Variants in PCSK6 observed in about 807,000 individuals in gnomAD.
PCSK6 encodes proprotein convertase subtilisin/kexin type 6.
In PCSK6, 85 loss-of-function variants were observed where a neutral mutation model predicts 123.3. That is an observed-to-expected ratio of 0.69 (90% CI 0.58 to 0.83). The LOEUF (loss-of-function observed/expected upper bound fraction) is 0.83, where lower values mean the gene tolerates loss of function less well. Ranked by LOEUF, PCSK6 falls within the 40% of genes least tolerant of loss-of-function variation. The pLI, the probability that PCSK6 is intolerant of heterozygous loss-of-function variation, is 0.00. For missense variants in PCSK6, 1,191 were observed against 1,282.3 expected (o/e 0.93, Z 1.09); for synonymous variants, 508 against 516.0 (o/e 0.98, Z 0.21).
At chr15:101,371,403 T>C (rs1220309940) in intron 11 of PCSK6, among the ~76,000 whole-genome samples, 3 of 152,150 alleles carry the variant, frequency 2.0e-5, no homozygotes, top group African/African-American at 7.2e-5. Flanking sequence ...AATATGTGCA[T>C]GTAAGAAACC....
At position 101,324,974 on chromosome 15, in the gene PCSK6, C is replaced by T; in HGVS notation, c.2253G>A (p.Lys751=). 6.2e-7 allele frequency: 1 copy of T among 1,613,196 alleles called. No individual in the cohort carries two copies. The highest frequency in any genetic ancestry group is 8.5e-7 in the Non-Finnish European group (1 of 1,179,886). Residue 751 remains lysine, a synonymous_variant, in exon 17 of 22, where the codon AAG becomes AAA. Transcript: ENST00000611716. ...TAARRCRRCH[K]GCETCSSRAA... ...CTCTGCTGGAGCAGGTCTCACACCC[C>T]TTGTGGCACCGGCGACAGCGTCTTG...
At chr15:101,340,264 C>G (rs556238977) in intron 13 of PCSK6, among the ~76,000 whole-genome samples, 1 of 152,200 alleles carries the variant, frequency 6.6e-6, no homozygotes, top group South Asian at 2.1e-4. Context: ...CAGACCCAGG[C>G]TAAGAAAGGG....
intron 15 of PCSK6, among the ~76,000 whole-genome samples, chr15:101,328,376 C>T (rs962608053): frequency 1.4e-4 from 22 of 152,158 alleles, no homozygotes; most frequent in African/African-American, 4.3e-4. Context: ...GGGAGACGGG[C>T]GGGCAGGGCT....
chr15:101,394,419 C>T (rs2042340544), intron 7 of PCSK6, among the ~76,000 whole-genome samples: 1 of 152,158 alleles, frequency 6.6e-6, no homozygotes, highest in Non-Finnish European at 1.5e-5. Flanking sequence ...ATCATTCCAG[C>T]CACAAGTACC....
chr15:101,327,540 G>A (rs2040283739), intron 15 of PCSK6, among the ~76,000 whole-genome samples: 1 of 152,206 alleles, frequency 6.6e-6, no homozygotes, highest in South Asian at 2.1e-4. Context: ...AGGCTTTTGA[G>A]TTACTGGAAG....
intron 6 of PCSK6, among the ~76,000 whole-genome samples, chr15:101,408,359 C>T (rs1033972939): frequency 6.6e-6 from 1 of 152,218 alleles, no homozygotes; most frequent in South Asian, 2.1e-4. Flanking sequence ...AGGAAGAAAG[C>T]CCCTCAGCAG....
chr15:101,440,658 G>A (rs962032593), intron 2 of PCSK6, among the ~76,000 whole-genome samples: 1 of 152,170 alleles, frequency 6.6e-6, no homozygotes, highest in South Asian at 2.1e-4. Context: ...CGAAGTCTCT[G>A]AATAATATTA....
intron 2 of PCSK6, among the ~76,000 whole-genome samples, chr15:101,440,289 C>T (rs547102393): frequency 3.2e-4 from 48 of 152,236 alleles, no homozygotes; most frequent in Admixed American, 1.2e-3. Flanking sequence ...TTTTCAAAGA[C>T]GGTAAGAAAA....
At chr15:101,367,951 A>C (rs2041450608) in intron 12 of PCSK6, among the ~76,000 whole-genome samples, 1 of 152,158 alleles carries the variant, frequency 6.6e-6, no homozygotes, top group Non-Finnish European at 1.5e-5. Flanking sequence ...CAGCCTCCCA[A>C]GTAGCTGGGA....
Position 101,342,129 on chromosome 15 carries a change from CAAAAAAAAAAAA to C in PCSK6, c.1859-10110_1859-10099del, listed in dbSNP as rs35083182. On this transcript the variant is annotated intron_variant, in intron 13 of 21. Transcript: ENST00000611716. The stretch of plus-strand genomic sequence containing the variant: ...TGGGAAACAGAGTAAGACCCTGTCT[CAAAAAAAAAAAA>C]AAAAAAAAAAAAGAAGATTGCTTAA... Among the ~76,000 whole-genome samples, 6 of 51,512 alleles carry C rather than the reference CAAAAAAAAAAAA, an allele frequency of 1.2e-4. 1 individual carries two copies. The highest frequency in any genetic ancestry group is 3.1e-4 in the African/African-American group (4 of 13,076). 33.8% of individuals were successfully genotyped at this position (51,512 alleles called of 152,430 possible). A position where few individuals can be genotyped will look rare whatever the true frequency, so the allele number is the denominator to read the frequency against.
intron 6 of PCSK6, among the ~76,000 whole-genome samples, chr15:101,412,612 G>A (rs2055729135): frequency 6.7e-6 from 1 of 149,700 alleles, no homozygotes; most frequent in Admixed American, 6.7e-5. Flanking sequence ...TATTAGAACT[G>A]GAAATACAAT....
At chr15:101,353,793 G>T (rs1015526613) in intron 13 of PCSK6, among the ~76,000 whole-genome samples, 5 of 152,154 alleles carry the variant, frequency 3.3e-5, no homozygotes, top group Non-Finnish European at 2.9e-5. Flanking sequence ...TTGGGTTGAG[G>T]TGAGGGTGGC....
intron 6 of PCSK6, among the ~76,000 whole-genome samples, chr15:101,409,184 G>C (rs28584307): frequency 1.3e-4 from 19 of 151,862 alleles, no homozygotes; most frequent in African/African-American, 4.4e-4. Context: ...GAGGCTGAGC[G>C]CGGGGGCTCA....
At chr15:101,469,819 TG>T in intron 1 of PCSK6, among the ~76,000 whole-genome samples, 1 of 152,340 alleles carries the variant, frequency 6.6e-6, no homozygotes, top group South Asian at 2.1e-4. Flanking sequence ...AAAGAAACAG[TG>T]GATCTGAAAT....
intron 19 of PCSK6, among the ~76,000 whole-genome samples, chr15:101,314,277 G>A (rs1158757395): frequency 6.6e-6 from 1 of 152,192 alleles, no homozygotes; most frequent in South Asian, 2.1e-4. Context: ...AGGACCTGTC[G>A]ACCTGGGTCA....
chr15:101,466,749 G>T (rs1302345623), intron 1 of PCSK6, among the ~76,000 whole-genome samples: 1 of 51,452 alleles, frequency 1.9e-5, no homozygotes, highest in Admixed American at 1.4e-4. Flanking sequence ...GATACAAAAA[G>T]ACCCTATTAT....
chr15:101,449,296 A>C (rs563231113), intron 1 of PCSK6, among the ~76,000 whole-genome samples: 1 of 152,364 alleles, frequency 6.6e-6, no homozygotes, highest in African/African-American at 2.4e-5. Context: ...AAATGACAAG[A>C]AAATAGTTTC....
At chr15:101,352,715 A>C in intron 13 of PCSK6, among the ~76,000 whole-genome samples, 1 of 152,182 alleles carries the variant, frequency 6.6e-6, no homozygotes. Context: ...ATTTTTTCAG[A>C]ATTTCTCTAG....
chr15:101,489,295 A>C, intron 1 of PCSK6, 79 bp downstream of exon 1: 2 of 890,982 alleles, frequency 2.2e-6, no homozygotes, highest in Non-Finnish European at 2.7e-6. Context: ...CCGGGCGGAC[A>C]GGACTGCGGA....
Sources: allele counts gnomAD v4.1 joint callset (sites outside exome capture counted in the v4.1 genomes callset), GRCh38; gene constraint gnomAD v4.1.1; transcripts MANE v1.5; gene names NCBI Gene and HGNC (gene_info 2026-07-23, HGNC 2026-07-21).